The following RMC1 variants were observed in gnomAD, a reference collection of about 807,000 sequenced individuals.
RMC1 encodes the protein regulator of MON1-CCZ1, also known as regulator of MON1-CCZ1 complex.
In RMC1, 44 loss-of-function variants were observed where a neutral mutation model predicts 95.5. The ratio of observed to expected loss-of-function variants is 0.46; its 90% confidence interval spans 0.36 to 0.59. The LOEUF is 0.59. RMC1 is among the 20% of genes least tolerant of loss of function. The probability of loss-of-function intolerance (pLI) is 0.00; values close to 1 mark genes in which losing one functional copy is unlikely to be tolerated. For missense variants in RMC1, 705 were observed against 819.6 expected (o/e 0.86, Z 1.71); for synonymous variants, 320 against 303.6 (o/e 1.05, Z -0.56).
At chr18:23,523,847 C>T (rs868607719) in intron 10 of RMC1, among the ~76,000 whole-genome samples, 22 of 152,254 alleles carry the variant, frequency 1.4e-4, no homozygotes, top group African/African-American at 4.8e-4. Flanking sequence ...CATATGTAAA[C>T]GATCATGAGT....
chr18:23,527,765 G>C, intron 13 of RMC1, 30 bp from the exon 14 acceptor site: 1 of 1,578,802 alleles, frequency 6.3e-7, no homozygotes, highest in Non-Finnish European at 8.7e-7. Flanking sequence ...AAGTTGGTTT[G>C]ATCCGTGTGT....
intron 5 of RMC1, among the ~76,000 whole-genome samples, chr18:23,509,928 T>G (rs2057806642): frequency 6.7e-6 from 1 of 150,108 alleles, no homozygotes; most frequent in Non-Finnish European, 1.5e-5. Context: ...GTCAAACTCC[T>G]AACCTCAACT....
intron 5 of RMC1, among the ~76,000 whole-genome samples, chr18:23,512,035 TTC>T (rs2057872894): frequency 6.6e-6 from 1 of 150,970 alleles, no homozygotes; most frequent in Non-Finnish European, 1.5e-5. Flanking sequence ...TTTTTTTTTT[TTC>T]TGAGACAGAG....
chr18:23,530,483 G>A lies in RMC1; in HGVS notation c.1765G>A (p.Asp589Asn). The A allele has an allele frequency of 6.2e-7, 1 of 1,614,254 alleles. No individual in the cohort carries two copies. Among genetic ancestry groups the A allele is most frequent in the Non-Finnish European group, 8.5e-7 (1 of 1,180,046 alleles). The change falls in exon 19 of 20, where the codon GAC (aspartate) becomes AAC (asparagine). Residue 589 changes from aspartate (D) to asparagine (N), a missense_variant. Asp to Asn is a conservative substitution (Grantham distance 23). Transcript: ENST00000269221. ...LRFIRGIGGH[D>N]NISARKFLDA... ...GTTTATCCGGGGCATTGGTGGCCAT[G>A]ACAACATTTCTGCACGAAAATTTTT... is the stretch of plus-strand genomic sequence containing the variant.
chr18:23,529,054 A>C, intron 14 of RMC1, 125 bp from the exon 15 acceptor site: 1 of 1,447,292 alleles, frequency 6.9e-7, no homozygotes. Context: ...GTATCTAAGT[A>C]GAGAAAGTGT....
intron 12 of RMC1, among the ~76,000 whole-genome samples, chr18:23,525,378 G>T (rs2058267576): frequency 6.6e-6 from 1 of 152,090 alleles, no homozygotes; most frequent in African/African-American, 2.4e-5. Flanking sequence ...CTCCCAAGTA[G>T]CTGGGCCTAC....
At chr18:23,517,137 T>G (rs1455663909) in intron 7 of RMC1, among the ~76,000 whole-genome samples, 1 of 152,080 alleles carries the variant, frequency 6.6e-6, no homozygotes, top group East Asian at 1.9e-4. Flanking sequence ...TAGAGGTATA[T>G]TTTCTTTTAC....
At chr18:23,525,393 G>A (rs1219440994) in intron 12 of RMC1, among the ~76,000 whole-genome samples, 4 of 151,610 alleles carry the variant, frequency 2.6e-5, no homozygotes, top group Admixed American at 6.6e-5. Flanking sequence ...GCCTACAGGC[G>A]CACATCACCA....
At chr18:23,531,000 TCATTTTTTTTTTGAGA>T in intron 19 of RMC1, among the ~76,000 whole-genome samples, 1 of 151,888 alleles carries the variant, frequency 6.6e-6, no homozygotes, top group East Asian at 1.9e-4. Flanking sequence ...TTGATCATTC[TCATTTTTTTTTTGAGA>T]CAGAGTCTCG....
intron 12 of RMC1, among the ~76,000 whole-genome samples, chr18:23,525,523 T>C (rs1235691074): frequency 6.6e-6 from 1 of 151,272 alleles, no homozygotes; most frequent in African/African-American, 2.4e-5. Context: ...CTCCTGGGTT[T>C]AAGCGATTCT....
In RMC1 at chr18:23,508,113, G is replaced by C. The variant is rs995876678; in HGVS notation, c.321+72G>C. The C allele has an allele frequency of 2.1e-6, 3 of 1,415,228 alleles. No homozygotes were observed. In the Admixed American group the frequency reaches 6.8e-5, roughly 32 times the overall value. The allele number at this position is 1,415,228 out of a possible 1,614,324, so 87.7% of individuals were successfully genotyped here. ...GCTGGGTTATGTAGTGGAGAGCGGG[G>C]CATTGGGGTCGCAGGGAGCACAGAC... is the stretch of plus-strand genomic sequence containing the variant. On this transcript the variant is annotated intron_variant, in intron 4 of 19. Coordinates refer to ENST00000269221, the MANE Select transcript of RMC1 (RefSeq NM_013326.5).
At chr18:23,531,520 T>C (rs965510363) in intron 19 of RMC1, 105 bp from the exon 20 acceptor site, 2 of 1,514,892 alleles carry the variant, frequency 1.3e-6, no homozygotes, top group African/African-American at 1.4e-5. Context: ...ATGTATTTTA[T>C]TAAAGAAAAA....
intron 10 of RMC1, among the ~76,000 whole-genome samples, chr18:23,521,350 C>A (rs368600716): frequency 1.3e-5 from 2 of 152,188 alleles, no homozygotes; most frequent in African/African-American, 2.4e-5. Flanking sequence ...ACACCCGTAA[C>A]GTTTTCTGTT....
intron 18 of RMC1, 25 bp downstream of exon 18, chr18:23,530,322 G>C: frequency 6.2e-7 from 1 of 1,614,156 alleles, no homozygotes; most frequent in Middle Eastern, 1.6e-4. Context: ...TGAGGTTTTA[G>C]ACTATGGAAA....
chr18:23,524,102 G>T, intron 10 of RMC1, 28 bp from the exon 11 acceptor site: 1 of 1,613,418 alleles, frequency 6.2e-7, no homozygotes, highest in Non-Finnish European at 8.5e-7. Flanking sequence ...TGACTGCATC[G>T]TTGCACTTAT....
In RMC1 at chr18:23,512,287, CT is replaced by C. The variant is rs1279698532; in HGVS notation, c.408+3009del. 9.2e-5 allele frequency among the ~76,000 whole-genome samples: 14 copies of C among 152,242 alleles called. No homozygotes were observed. In the South Asian group the frequency reaches 1.7e-3, roughly 18 times the overall value. On this transcript the variant is annotated intron_variant, in intron 5 of 19. Coordinates refer to ENST00000269221, the MANE Select transcript of RMC1 (RefSeq NM_013326.5). Reference sequence around the variant, plus strand: ...CCACCTATCTCGGCCCCCTAAAGTGCTGGGATTACAGGCGTGAGCCACCATG... The same window carrying C: ...CCACCTATCTCGGCCCCCTAAAGTGCGGGATTACAGGCGTGAGCCACCATG...
In RMC1 at chr18:23,508,022, A is replaced by C; in HGVS notation, c.302A>C (p.Glu101Ala). 1 of 1,611,142 alleles carries C rather than the reference A, an allele frequency of 6.2e-7. No individual in the cohort carries two copies. Among genetic ancestry groups the C allele is most frequent in the Non-Finnish European group, 8.5e-7 (1 of 1,178,898 alleles). The change falls in exon 4 of 20, where the codon GAA becomes GCA. Residue 101 changes from glutamate (E) to alanine (A), a missense_variant. Physicochemically the swap from Glu to Ala is moderately radical, Grantham distance 107. Coordinates refer to ENST00000269221, the MANE Select transcript of RMC1 (RefSeq NM_013326.5). ...TTTATCCCTGATAATTCCCAGCTGG[A>C]ATACACACAGGAGTGCAAGGTATGA... Reference protein sequence around the residue: ...CNFIPDNSQLEYTQECKTKNA... With the variant: ...CNFIPDNSQLAYTQECKTKNA...
At chr18:23,527,071 A>G (rs1244505880) in intron 13 of RMC1, among the ~76,000 whole-genome samples, 4 of 150,514 alleles carry the variant, frequency 2.7e-5, no homozygotes, top group South Asian at 2.1e-4. Context: ...CACTCACTGC[A>G]TATGTGTCTT....
In RMC1 at chr18:23,524,537, T is replaced by A. The variant is rs376993094; in HGVS notation, c.1060+55T>A. ...CAACATGGTGCTTGTTGACTTTGGA[T>A]CCCAGTTGTAGCCAGGGACGTTTTC... On this transcript the variant is annotated intron_variant, in intron 12 of 19. Transcript: ENST00000269221. 5.1e-6 allele frequency: 8 copies of A among 1,577,286 alleles called. No individual in the cohort carries two copies. In the African/African-American group the frequency reaches 9.4e-5, roughly 19 times the overall value.
Sources: allele counts gnomAD v4.1 joint callset (sites outside exome capture counted in the v4.1 genomes callset), GRCh38; gene constraint gnomAD v4.1.1; transcripts MANE v1.5; gene names NCBI Gene and HGNC (gene_info 2026-07-23, HGNC 2026-07-21).